Variants in SLC26A7 observed in about 807,000 individuals in gnomAD.
The protein encoded by SLC26A7 is solute carrier family 26 member 7, also known as anion exchange transporter.
A neutral mutation model predicts 82.5 loss-of-function variants in SLC26A7; 59 were observed. That is an observed-to-expected ratio of 0.72 (90% CI 0.58 to 0.89). SLC26A7 has a LOEUF of 0.89. SLC26A7 is among the 40% of genes least tolerant of loss of function. The pLI is 0.00. For missense variants in SLC26A7, 820 were observed against 793.0 expected (o/e 1.03, Z -0.41); for synonymous variants, 271 against 274.3 (o/e 0.99, Z 0.12).
chr8:91,366,664 A>G lies in SLC26A7; in HGVS notation c.1573A>G (p.Asn525Asp), dbSNP rs1203134475. Residue 525 changes from asparagine (N) to aspartate (D), a missense_variant, in exon 14 of 19, where the codon AAC becomes GAC. Transcript: ENST00000276609. Reference protein sequence around the residue: ...NAKKFYTDLMNMIQKENACNQ... With the variant: ...NAKKFYTDLMDMIQKENACNQ... ...AAAAAAATTTTATACTGATTTAATGAACATGATCCAAAAGGAAAATGCCTG... is the reference window on the plus strand; with the variant it reads ...AAAAAAATTTTATACTGATTTAATGGACATGATCCAAAAGGAAAATGCCTG... The G allele has an allele frequency of 1.9e-6, 3 of 1,613,570 alleles. No homozygotes were observed. The South Asian group carries it at 3.3e-5, about 18-fold the overall frequency.
At chr8:91,372,732 A>T (rs1814401083) in intron 15 of SLC26A7, among the ~76,000 whole-genome samples, 1 of 151,878 alleles carries the variant, frequency 6.6e-6, no homozygotes, top group Non-Finnish European at 1.5e-5. Flanking sequence ...TTGGTTCCAT[A>T]TGAAGTTTTG....
chr8:91,332,756 T>G (rs1375924041), intron 5 of SLC26A7, among the ~76,000 whole-genome samples: 4 of 151,830 alleles, frequency 2.6e-5, no homozygotes, highest in Non-Finnish European at 5.9e-5. Flanking sequence ...GGTTTCAAAC[T>G]GCTGGCTTCA....
chr8:91,393,959 T>G lies in SLC26A7; in HGVS notation c.1855T>G (p.Tyr619Asp). The G allele has an allele frequency of 6.2e-7, 1 of 1,613,732 alleles. No homozygotes were observed. Among genetic ancestry groups the G allele is most frequent in the Non-Finnish European group, 8.5e-7 (1 of 1,179,660 alleles). Residue 619 changes from tyrosine to aspartate, a missense_variant, in exon 18 of 19, where the codon TAT (tyrosine) becomes GAT (aspartate). Transcript: ENST00000276609. ...CTASLIKAMT[Y>D]YGNLDSEKPI... ...AGCTTCCTTGATAAAAGCAATGACG[T>G]ATTATGGAAACCTAGACTCAGAGAA...
chr8:91,359,490 T>G (rs1234190204), intron 11 of SLC26A7, among the ~76,000 whole-genome samples: 1 of 152,150 alleles, frequency 6.6e-6, no homozygotes, highest in Non-Finnish European at 1.5e-5. Flanking sequence ...GAATTTGTAG[T>G]CTCCTACTTA....
intron 5 of SLC26A7, among the ~76,000 whole-genome samples, chr8:91,322,011 T>C (rs1205830057): frequency 2.0e-5 from 3 of 152,168 alleles, no homozygotes; most frequent in Non-Finnish European, 4.4e-5. Flanking sequence ...TCTTTCTTAC[T>C]AGTAGTGAAT....
chr8:91,239,375 CAAAAA>C (rs1219500630), intron 2 of SLC26A7, among the ~76,000 whole-genome samples: 13 of 84,154 alleles, frequency 1.5e-4, no homozygotes, highest in African/African-American at 3.6e-4. Flanking sequence ...GACTCCGTCT[CAAAAA>C]AAAAAAAAAA....
intron 14 of SLC26A7, among the ~76,000 whole-genome samples, chr8:91,368,108 TG>T (rs1814247169): frequency 6.6e-6 from 1 of 152,122 alleles, no homozygotes; most frequent in Admixed American, 6.5e-5. Flanking sequence ...CTTCTAAGAG[TG>T]GGCCCCTTTT....
chr8:91,333,591 C>T (rs1425282340), intron 5 of SLC26A7, among the ~76,000 whole-genome samples: 1 of 152,112 alleles, frequency 6.6e-6, no homozygotes, highest in Non-Finnish European at 1.5e-5. Flanking sequence ...ACCCCACCAC[C>T]ACTCAAAACC....
intron 4 of SLC26A7, among the ~76,000 whole-genome samples, chr8:91,299,119 T>C (rs1812092669): frequency 6.6e-6 from 1 of 152,188 alleles, no homozygotes; most frequent in African/African-American, 2.4e-5. Flanking sequence ...TTTTGTGAAT[T>C]GTCTATTTAT....
At chr8:91,342,231 G>A (rs1352088128) in intron 8 of SLC26A7, among the ~76,000 whole-genome samples, 1 of 152,118 alleles carries the variant, frequency 6.6e-6, no homozygotes, top group Non-Finnish European at 1.5e-5. Context: ...TGCTCAGCCA[G>A]CTTCTTTATC....
At chr8:91,365,385 C>A (rs1232967728) in intron 13 of SLC26A7, among the ~76,000 whole-genome samples, 1 of 152,148 alleles carries the variant, frequency 6.6e-6, no homozygotes. Flanking sequence ...GCATTCAAAG[C>A]CATCCTAGGT....
intron 15 of SLC26A7, among the ~76,000 whole-genome samples, chr8:91,386,815 C>A (rs915629551): frequency 1.3e-5 from 2 of 152,144 alleles, no homozygotes; most frequent in Admixed American, 1.3e-4. Context: ...AACTGACTTT[C>A]AAGAACTGGC....
chr8:91,244,661 G>C (rs765684566), upstream of SLC26A7, among the ~76,000 whole-genome samples: 3 of 151,516 alleles, frequency 2.0e-5, no homozygotes, highest in African/African-American at 4.9e-5. Context: ...GAGCCACCAT[G>C]CCCAGCTAAA....
intron 12 of SLC26A7, among the ~76,000 whole-genome samples, chr8:91,362,792 G>A (rs1343346493): frequency 1.3e-5 from 2 of 151,940 alleles, no homozygotes; most frequent in Non-Finnish European, 2.9e-5. Flanking sequence ...AGTAGCTAAT[G>A]ATCACAAACC....
chr8:91,272,271 G>C (rs1484611594), intron 2 of SLC26A7, among the ~76,000 whole-genome samples: 1 of 152,032 alleles, frequency 6.6e-6, no homozygotes. Context: ...GTGTTCACCT[G>C]GGCTTCATGG....
Position 91,338,198 on chromosome 8 carries a change from T to C in SLC26A7, c.844T>C (p.Tyr282His). The change falls in exon 7 of 19, where the codon TAT becomes CAT. Residue 282 changes from tyrosine to histidine, a missense_variant. By Grantham distance (83) the Tyr-to-His change is moderately conservative. Coordinates refer to ENST00000276609, the MANE Select transcript of SLC26A7 (RefSeq NM_052832.4). ...ACYCTNMENT[Y>H]GLEVVGHIPQ... Reference sequence around the variant, plus strand: ...TTATTGCACCAATATGGAAAACACATATGGATTAGAAGTAGTTGGTCATAT... The same window carrying C: ...TTATTGCACCAATATGGAAAACACACATGGATTAGAAGTAGTTGGTCATAT... 6.2e-7 allele frequency: 1 copy of C among 1,610,700 alleles called. No homozygotes were observed.
intron 4 of SLC26A7, among the ~76,000 whole-genome samples, chr8:91,311,666 C>A (rs190081604): frequency 6.6e-6 from 1 of 152,062 alleles, no homozygotes; most frequent in African/African-American, 2.4e-5. Flanking sequence ...ACATGCCCAG[C>A]GGAAACGAAC....
At chr8:91,236,101 A>G (rs1192271832) in intron 2 of SLC26A7, among the ~76,000 whole-genome samples, 2 of 152,246 alleles carry the variant, frequency 1.3e-5, no homozygotes, top group Admixed American at 6.5e-5. Flanking sequence ...CAATTAATAC[A>G]GATACAAAAT....
rs867837245 is a variant in SLC26A7 at position 91,362,298 on chromosome 8, G to A, written c.1315-55G>A. 581 of 1,313,720 alleles carry A rather than the reference G, an allele frequency of 4.4e-4. 5 individuals carry two copies. The Middle Eastern group carries it at 6.2e-3, about 14-fold the overall frequency. 81.4% of individuals were successfully genotyped at this position (1,313,720 alleles called of 1,614,324 possible). On this transcript the variant is annotated intron_variant, in intron 11 of 18. Coordinates refer to ENST00000276609, the MANE Select transcript of SLC26A7 (RefSeq NM_052832.4). The stretch of plus-strand genomic sequence containing the variant: ...TGATTGTGAGGAACTTAGCAATAAT[G>A]AGAAGAAGTGAATTCCAAAGGATTC...
Sources: allele counts gnomAD v4.1 joint callset (sites outside exome capture counted in the v4.1 genomes callset), GRCh38; gene constraint gnomAD v4.1.1; transcripts MANE v1.5; gene names NCBI Gene and HGNC (gene_info 2026-07-23, HGNC 2026-07-21).